The following FKBP9 variants were observed in gnomAD, a reference collection of about 807,000 sequenced individuals.
FKBP9 encodes FKBP prolyl isomerase 9.
A neutral mutation model predicts 55.6 loss-of-function variants in FKBP9; 27 were observed. The ratio of observed to expected loss-of-function variants is 0.49; its 90% CI spans 0.36 to 0.67. The LOEUF is 0.67. Among genes scored for constraint, FKBP9 ranks in the 30% least tolerant of loss-of-function variants. The pLI, the probability that FKBP9 is intolerant of heterozygous loss-of-function variation, is 0.00. For missense variants in FKBP9, 539 were observed against 742.8 expected, an observed-to-expected ratio of 0.73 and a Z score of 3.19; for synonymous variants, 267 against 296.5, an observed-to-expected ratio of 0.90 and a Z score of 1.02.
At chr7:32,984,234 A>T in intron 5 of FKBP9, among the ~76,000 whole-genome samples, 1 of 151,454 alleles carries the variant, frequency 6.6e-6, no homozygotes, top group African/African-American at 2.4e-5. Flanking sequence ...TTCAAAAGTA[A>T]TATGTTCTTT....
intron 5 of FKBP9, among the ~76,000 whole-genome samples, chr7:32,984,925 T>C (rs113795845): frequency 0.12 from 17,941 of 152,218 alleles, 1,406 homozygotes; most frequent in East Asian, 0.4. Context: ...TCCTTTACCT[T>C]CTATCTATTC....
Position 32,984,241 on chromosome 7 carries a change from C to CT in FKBP9, c.893+3698dup, listed in dbSNP as rs556452213. On this transcript the variant is annotated intron_variant, in intron 5 of 9. Coordinates refer to ENST00000242209, the MANE Select transcript of FKBP9 (RefSeq NM_007270.5). The stretch of plus-strand genomic sequence containing the variant: ...TTTTTATTTTCAAAAGTAATATGTT[C>CT]TTTTTTTTTTGAGACAGAGTCTCAC... 5.3e-3 allele frequency among the ~76,000 whole-genome samples: 776 copies of CT among 145,354 alleles called. 3 individuals are homozygous for CT. Among genetic ancestry groups the CT allele is most frequent in the Non-Finnish European group, 7.4e-3 (495 of 66,562 alleles).
chr7:32,999,847 A>G (rs1327274871), intron 7 of FKBP9, among the ~76,000 whole-genome samples: 1 of 152,092 alleles, frequency 6.6e-6, no homozygotes, highest in Admixed American at 6.5e-5. Flanking sequence ...GGCTCAAGCA[A>G]AAAGGACCCC....
chr7:33,006,393 C>T lies in FKBP9; in HGVS notation c.*1042C>T, dbSNP rs536912539. The stretch of plus-strand genomic sequence containing the variant: ...CCTCCCAAAGTGTTGGGATTACAGG[C>T]GTGACTCACCATGCCCAGCCACTTA... On this transcript the variant is annotated 3_prime_UTR_variant, in exon 10 of 10. Coordinates refer to ENST00000242209, the MANE Select transcript of FKBP9 (RefSeq NM_007270.5). 69 of 201,890 alleles carry T rather than the reference C, an allele frequency of 3.4e-4. No individual in the cohort carries two copies. Among genetic ancestry groups the T allele is most frequent in the African/African-American group, 1.5e-3 (64 of 43,694 alleles). The allele number at this position is 201,890 out of a possible 1,614,324, so 12.5% of individuals were successfully genotyped here. A position where few individuals can be genotyped will look rare whatever the true frequency, so the allele number is the denominator to read the frequency against.
Position 32,963,645 on chromosome 7 carries a change from T to G in FKBP9, c.221+5851T>G, listed in dbSNP as rs1327538882. On this transcript the variant is annotated intron_variant, in intron 1 of 9. Transcript: ENST00000242209. ...TCCTGCAGACTTAAGCAGAAAGGAGTGGGAATTTATTGGAAGGATCTCCAA... is the reference window on the plus strand; with the variant it reads ...TCCTGCAGACTTAAGCAGAAAGGAGGGGGAATTTATTGGAAGGATCTCCAA... 8 of 1,461,620 alleles carry G rather than the reference T, an allele frequency of 5.5e-6. No homozygotes were observed. The South Asian group carries it at 8.1e-5, about 15-fold the overall frequency. 90.5% of individuals were successfully genotyped at this position (1,461,620 alleles called of 1,614,324 possible).
At chr7:32,985,715 A>G (rs1583859524) in intron 5 of FKBP9, among the ~76,000 whole-genome samples, 3 of 152,292 alleles carry the variant, frequency 2.0e-5, no homozygotes, top group Admixed American at 6.5e-5. Flanking sequence ...GGCTTAGGCC[A>G]GGCACGATGG....
rs1010602590 is a variant in FKBP9, at chr7:33,006,774, C to T, written c.*1423C>T. On this transcript the variant is annotated 3_prime_UTR_variant, in exon 10 of 10. Coordinates refer to ENST00000242209, the MANE Select transcript of FKBP9 (RefSeq NM_007270.5). ...ATGGTGGTGGCACTTATCCTGAAGT[C>T]GTCAATGATTTCCCTTTGAAACTAC... 2 of 206,636 alleles carry T rather than the reference C, an allele frequency of 9.7e-6. No homozygotes were observed. The highest frequency in any genetic ancestry group is 2.0e-5 in the Non-Finnish European group (2 of 101,258). 12.8% of individuals were successfully genotyped at this position (206,636 alleles called of 1,614,324 possible). A position where few individuals can be genotyped will look rare whatever the true frequency, so the allele number is the denominator to read the frequency against.
intron 1 of FKBP9, among the ~76,000 whole-genome samples, chr7:32,965,791 C>A: frequency 6.7e-5 from 3 of 44,814 alleles, no homozygotes; most frequent in African/African-American, 9.0e-5. Context: ...GAGCGAGACT[C>A]CATGTCAAAA....
chr7:32,964,713 C>T (rs1052537890), intron 1 of FKBP9, among the ~76,000 whole-genome samples: 59 of 152,224 alleles, frequency 3.9e-4, no homozygotes, highest in Non-Finnish European at 7.5e-4. Flanking sequence ...TCATTAGCTA[C>T]TGGTAGAGAT....
At chr7:32,996,051 T>G in intron 6 of FKBP9, 112 bp from the exon 7 acceptor site, 1 of 809,636 alleles carries the variant, frequency 1.2e-6, no homozygotes, top group Non-Finnish European at 2.1e-6. Context: ...TGTATCTGGG[T>G]GCCCGTTTTC....
intron 1 of FKBP9, among the ~76,000 whole-genome samples, chr7:32,965,310 T>A (rs969088168): frequency 7.9e-5 from 12 of 151,952 alleles, no homozygotes; most frequent in African/African-American, 2.7e-4. Context: ...TTTGTATTTT[T>A]GGTAGAGACA....
At chr7:32,998,497 T>G (rs1480477055) in intron 7 of FKBP9, 9 of 152,102 alleles carry the variant, frequency 5.9e-5, no homozygotes, top group Non-Finnish European at 1.3e-4. Flanking sequence ...GAGCCAGAGC[T>G]CCTTATCAGG....
chr7:32,963,675 TTG>T (rs1231750210), intron 1 of FKBP9: 1 of 1,444,070 alleles, frequency 6.9e-7, no homozygotes, highest in South Asian at 1.4e-5. Context: ...CTCCAATTCC[TTG>T]TGAGGGTCCA....
intron 1 of FKBP9, among the ~76,000 whole-genome samples, chr7:32,973,216 A>G (rs1234369289): frequency 2.0e-5 from 3 of 152,128 alleles, no homozygotes; most frequent in African/African-American, 7.2e-5. Context: ...CAGTCCCCTA[A>G]TAGGCAAACC....
At chr7:32,981,161 C>T (rs533057562) in intron 5 of FKBP9, among the ~76,000 whole-genome samples, 2 of 151,382 alleles carry the variant, frequency 1.3e-5, no homozygotes, top group South Asian at 4.2e-4. Context: ...GGCTCTAGCC[C>T]CTGTCTGTGG....
Position 32,976,470 on chromosome 7 carries a change from CT to C in FKBP9, c.678del (p.Leu227TrpfsTer40), listed in dbSNP as rs756438298. The stretch of plus-strand genomic sequence containing the variant: ...GAGAAGCGCATCATCACCATTCCTC[CT>C]TTTCTGGCCTATGGAGAGGATGGAG... ...VGEKRIITIP[P>X]FLAYGEDGDG... On this transcript the variant is annotated frameshift_variant, in exon 4 of 10. Coordinates refer to ENST00000242209, the MANE Select transcript of FKBP9 (RefSeq NM_007270.5). LOFTEE classifies it high-confidence loss of function. 6 of 1,612,350 alleles carry C rather than the reference CT, an allele frequency of 3.7e-6. No individual in the cohort carries two copies. Among genetic ancestry groups the C allele is most frequent in the Non-Finnish European group, 5.1e-6 (6 of 1,178,992 alleles).
chr7:32,975,177 T>C lies in FKBP9; in HGVS notation c.368-5T>C. 6.2e-7 allele frequency: 1 copy of C among 1,611,542 alleles called. No individual in the cohort carries two copies. The highest frequency in any genetic ancestry group is 1.1e-5 in the South Asian group (1 of 91,026). ...TGAACTCAGTGTGTAATCTTTAATT[T>C]CTAGCTGGTGTGATCCCCCCCAATT... is the stretch of plus-strand genomic sequence containing the variant. On this transcript the variant is annotated splice_polypyrimidine_tract_variant and splice_region_variant and intron_variant, in intron 2 of 9. Coordinates refer to ENST00000242209, the MANE Select transcript of FKBP9 (RefSeq NM_007270.5).
At chr7:32,986,428 G>A (rs1784578175) in intron 5 of FKBP9, among the ~76,000 whole-genome samples, 1 of 152,224 alleles carries the variant, frequency 6.6e-6, no homozygotes, top group Non-Finnish European at 1.5e-5. Flanking sequence ...GGTCCTGCAG[G>A]TGGGAACCTC....
intron 8 of FKBP9, chr7:33,002,081 A>ATATAT (rs1314900130): frequency 6.6e-6 from 1 of 152,382 alleles, no homozygotes; most frequent in Non-Finnish European, 1.5e-5. Flanking sequence ...TATAAAATTT[A>ATATAT]AACTCAAGTT....
Sources: gnomAD v4.1 joint callset for allele counts (sites outside exome capture counted in the v4.1 genomes callset) on GRCh38, gnomAD v4.1.1 for gene constraint, MANE v1.5 for transcripts, NCBI Gene and HGNC (gene_info 2026-07-23, HGNC 2026-07-21) for gene names.